CRACD: variants seen among roughly 807,000 people sequenced by gnomAD.
CRACD encodes the protein capping protein inhibiting regulator of actin dynamics, also known as capping protein-inhibiting regulator of actin dynamics.
CRACD carries 56 observed loss-of-function variants against 106.8 expected under a neutral mutation model. That is an observed-to-expected ratio of 0.52 (90% confidence interval 0.42 to 0.66). The LOEUF is 0.66. Ranked by LOEUF, CRACD falls within the 30% of genes least tolerant of loss-of-function variation. The pLI, the probability that CRACD is intolerant of heterozygous loss-of-function variation, is 0.00. For missense variants in CRACD, 1,730 were observed against 1,623.2 expected, an observed-to-expected ratio of 1.07 and a Z score of -1.13; for synonymous variants, 754 against 670.8, an observed-to-expected ratio of 1.12 and a Z score of -1.92.
chr4:56,277,281 C>T (rs1742727595), intron 3 of CRACD, among the ~76,000 whole-genome samples: 1 of 152,036 alleles, frequency 6.6e-6, no homozygotes, highest in Non-Finnish European at 1.5e-5. Flanking sequence ...TGTAAGAAGG[C>T]TTAAGTAACA....
At chr4:56,194,305 G>A (rs1004959646) in intron 2 of CRACD, among the ~76,000 whole-genome samples, 3 of 152,156 alleles carry the variant, frequency 2.0e-5, no homozygotes, top group Non-Finnish European at 4.4e-5. Context: ...AAAAAGTGGT[G>A]AAGCTTCAAA....
intron 1 of CRACD, among the ~76,000 whole-genome samples, chr4:56,124,922 C>G (rs1560458254): frequency 6.6e-6 from 1 of 152,162 alleles, no homozygotes; most frequent in Non-Finnish European, 1.5e-5. Context: ...AATCCCAGTG[C>G]ACTATGTGAG....
chr4:56,049,108 G>A lies in CRACD; in HGVS notation c.-527G>A, dbSNP rs938451607. 6.7e-6 allele frequency: 1 copy of A among 149,742 alleles called. No individual in the cohort carries two copies. The allele number at this position is 149,742 out of a possible 1,614,324, so 9.3% of individuals were successfully genotyped here. On this transcript the variant is annotated 5_prime_UTR_variant, in exon 1 of 11. Coordinates refer to ENST00000682029, the MANE Select transcript of CRACD (RefSeq NM_001393381.1). The stretch of plus-strand genomic sequence containing the variant: ...CGCGGGGCCGGGCGCGCAGTGCCGC[G>A]CGGTGGCGGCAGTGGGGAGAGCAAT...
At position 56,095,393 on chromosome 4, in the gene CRACD, G is replaced by A. The variant is rs565981938; in HGVS notation, c.-336+46094G>A. Reference sequence around the variant, plus strand: ...GTTATCGCAGTGGAGAAATAGCGACGGCAGTAGAGACAAAGTGGGGGAAAG... The same window carrying A: ...GTTATCGCAGTGGAGAAATAGCGACAGCAGTAGAGACAAAGTGGGGGAAAG... On this transcript the variant is annotated intron_variant, in intron 1 of 10. Coordinates refer to ENST00000682029, the MANE Select transcript of CRACD (RefSeq NM_001393381.1). Among the ~76,000 whole-genome samples, 13 of 152,264 alleles carry A rather than the reference G, an allele frequency of 8.5e-5. No homozygotes were observed. The East Asian group carries it at 2.5e-3, about 29-fold the overall frequency.
At chr4:56,160,640 C>T (rs1735918941) in intron 1 of CRACD, among the ~76,000 whole-genome samples, 1 of 152,224 alleles carries the variant, frequency 6.6e-6, no homozygotes. Context: ...TTTGCCCCAT[C>T]AGCTATGTTG....
At position 56,073,469 on chromosome 4, in the gene CRACD, A is replaced by G. The variant is rs1732732958; in HGVS notation, c.-336+24170A>G. Among the ~76,000 whole-genome samples, 5 of 152,260 alleles carry G rather than the reference A, an allele frequency of 3.3e-5. No individual in the cohort carries two copies. In the South Asian group the frequency reaches 1.0e-3, roughly 32 times the overall value. ...CTGTAATTATTATTGGTTAATAGCT[A>G]TTTTCTAATCCTAAATTTTCATTGT... On this transcript the variant is annotated intron_variant, in intron 1 of 10. Coordinates refer to ENST00000682029, the MANE Select transcript of CRACD (RefSeq NM_001393381.1).
At chr4:56,076,910 G>GT (rs917897770) in intron 1 of CRACD, among the ~76,000 whole-genome samples, 6 of 151,620 alleles carry the variant, frequency 4.0e-5, no homozygotes, top group Admixed American at 6.6e-5. Context: ...TTGAACATAG[G>GT]TTTTTTTTTA....
intron 1 of CRACD, among the ~76,000 whole-genome samples, chr4:56,140,586 T>C (rs1735158979): frequency 6.6e-6 from 1 of 152,218 alleles, no homozygotes; most frequent in African/African-American, 2.4e-5. Context: ...ATTCCTATAT[T>C]ATATAAGTAC....
chr4:56,306,952 T>C (rs1044338951), intron 4 of CRACD, among the ~76,000 whole-genome samples: 4 of 152,202 alleles, frequency 2.6e-5, no homozygotes, highest in Admixed American at 6.5e-5. Context: ...GGGCCTTCTT[T>C]GCCTTGGCAG....
At chr4:56,115,367 A>C (rs1415051094) in intron 1 of CRACD, among the ~76,000 whole-genome samples, 2 of 152,136 alleles carry the variant, frequency 1.3e-5, no homozygotes, top group African/African-American at 4.8e-5. Flanking sequence ...AATCATCTTT[A>C]CCTCTTGGTT....
Position 56,314,470 on chromosome 4 carries a change from T to C in CRACD, c.968T>C (p.Leu323Pro). 1 of 1,533,864 alleles carries C rather than the reference T, an allele frequency of 6.5e-7. No individual in the cohort carries two copies. Among genetic ancestry groups the C allele is most frequent in the South Asian group, 1.2e-5 (1 of 82,178 alleles). Residue 323 changes from leucine to proline, a missense_variant, in exon 8 of 11, where the codon CTG (leucine) becomes CCG (proline). Leu to Pro is a moderately conservative substitution (Grantham distance 98). Transcript: ENST00000682029. The surrounding 1 kb of genome is among the most constrained non-coding windows in gnomAD (Gnocchi z 4.4). ...RLEAEEERRR[L>P]QAQAQAEERR... ...GAGGCGGAGGAGGAGCGAAGGCGTC[T>C]GCAGGCCCAGGCCCAAGCGGAGGAG... is the stretch of plus-strand genomic sequence containing the variant.
At chr4:56,062,815 A>G (rs940877569) in intron 1 of CRACD, among the ~76,000 whole-genome samples, 5 of 152,188 alleles carry the variant, frequency 3.3e-5, no homozygotes, top group African/African-American at 1.2e-4. Flanking sequence ...CGAATGCCTT[A>G]CAAATTTGGG....
At chr4:56,166,675 C>CAAAAAAAAAA (rs35537364) in intron 1 of CRACD, among the ~76,000 whole-genome samples, 3 of 92,740 alleles carry the variant, frequency 3.2e-5, no homozygotes, top group East Asian at 5.8e-4. Context: ...CACTCTGTCT[C>CAAAAAAAAAA]AAAAAAAAAA....
At position 56,185,612 on chromosome 4, in the gene CRACD, A is replaced by G. The variant is rs186042155; in HGVS notation, c.-189+6182A>G. On this transcript the variant is annotated intron_variant, in intron 2 of 10. Transcript: ENST00000682029. Reference sequence around the variant, plus strand: ...GGACCTCCAAAAAGAAAACCCCTTCAGAACACCTGCTTCGCTTTAGTTGCT... The same window carrying G: ...GGACCTCCAAAAAGAAAACCCCTTCGGAACACCTGCTTCGCTTTAGTTGCT... Among the ~76,000 whole-genome samples the G allele has an allele frequency of 3.3e-5, 5 of 152,366 alleles. No homozygotes were observed. The East Asian group carries it at 7.7e-4, about 23-fold the overall frequency.
chr4:56,303,671 G>A (rs2109736371), intron 4 of CRACD, among the ~76,000 whole-genome samples: 1 of 152,364 alleles, frequency 6.6e-6, no homozygotes, highest in East Asian at 1.9e-4. Flanking sequence ...GTTGGCTGAA[G>A]GAAGCATTCG....
intron 2 of CRACD, among the ~76,000 whole-genome samples, chr4:56,206,742 C>T (rs1194341215): frequency 6.6e-6 from 1 of 152,138 alleles, no homozygotes; most frequent in African/African-American, 2.4e-5. Flanking sequence ...TAAAAATTCT[C>T]CCCTTTTGGT....
chr4:56,114,468 G>A (rs936874471), intron 1 of CRACD, among the ~76,000 whole-genome samples: 1 of 152,010 alleles, frequency 6.6e-6, no homozygotes, highest in Non-Finnish European at 1.5e-5. Flanking sequence ...AGGGAGTCGG[G>A]GAAGATAAAT....
rs3036789 is a variant in CRACD, at chr4:56,119,505, A to ATT, written c.-335-59770_-335-59769dup. 1.2e-4 allele frequency among the ~76,000 whole-genome samples: 18 copies of ATT among 147,652 alleles called. No individual in the cohort carries two copies. In the East Asian group the frequency reaches 1.6e-3, roughly 13 times the overall value. On this transcript the variant is annotated intron_variant, in intron 1 of 10. Coordinates refer to ENST00000682029, the MANE Select transcript of CRACD (RefSeq NM_001393381.1). ...GCCACCACACCCAGCTAATTTTTGT[A>ATT]TTTTTTTTTTGTAGAGATGATGTCT...
intron 1 of CRACD, among the ~76,000 whole-genome samples, chr4:56,106,188 C>T (rs1733944720): frequency 1.3e-5 from 2 of 152,198 alleles, no homozygotes; most frequent in Admixed American, 6.5e-5. Context: ...GTCCAGACTT[C>T]TTGTCTTTTT....
Sources: allele counts gnomAD v4.1 joint callset (sites outside exome capture counted in the v4.1 genomes callset), GRCh38; gene constraint gnomAD v4.1.1; non-coding constraint Gnocchi (gnomAD v3.1); transcripts MANE v1.5; gene names NCBI Gene and HGNC (gene_info 2026-07-23, HGNC 2026-07-21).